Variants in FOXN3 observed in about 807,000 individuals in gnomAD.
FOXN3 encodes the protein forkhead box protein N3.
In FOXN3, 7 loss-of-function variants were observed where a neutral mutation model predicts 38.4. The observed-to-expected ratio is 0.18, with a 90% CI of 0.10 to 0.34. The LOEUF (loss-of-function observed/expected upper bound fraction) is 0.34. Among genes scored for constraint, FOXN3 ranks in the 10% least tolerant of loss-of-function variants. FOXN3 has a pLI of 1.00. For missense variants in FOXN3, 456 were observed against 613.4 expected, an observed-to-expected ratio of 0.74 and a Z score of 2.71; for synonymous variants, 230 against 242.2, an observed-to-expected ratio of 0.95 and a Z score of 0.47.
intron 4 of FOXN3, among the ~76,000 whole-genome samples, chr14:89,201,304 A>G (rs1202000610): frequency 6.6e-6 from 1 of 152,132 alleles, no homozygotes; most frequent in Non-Finnish European, 1.5e-5. Flanking sequence ...GTTGCCGTGG[A>G]AGAGATTCTG....
At chr14:89,454,656 C>A (rs1298045816) in intron 1 of FOXN3, among the ~76,000 whole-genome samples, 1 of 152,176 alleles carries the variant, frequency 6.6e-6, no homozygotes, top group Admixed American at 6.5e-5. Flanking sequence ...GGTCCATTCA[C>A]ATAATGGAAA....
intron 1 of FOXN3, among the ~76,000 whole-genome samples, chr14:89,499,424 A>AC (rs1302025275): frequency 6.7e-6 from 1 of 148,216 alleles, no homozygotes; most frequent in Non-Finnish European, 1.5e-5. Flanking sequence ...ATAATTTAAA[A>AC]CCTTTTTGGG....
At chr14:89,334,049 A>AC (rs1293147898) in intron 3 of FOXN3, among the ~76,000 whole-genome samples, 5 of 149,466 alleles carry the variant, frequency 3.3e-5, no homozygotes, top group Non-Finnish European at 3.0e-5. Flanking sequence ...ACACACACAC[A>AC]AAGGAATATT....
At chr14:89,239,387 G>A (rs571706377) in intron 4 of FOXN3, among the ~76,000 whole-genome samples, 6 of 152,240 alleles carry the variant, frequency 3.9e-5, no homozygotes, top group Non-Finnish European at 5.9e-5. Context: ...GGGGAGGAGC[G>A]GTTTTTACAT....
intron 3 of FOXN3, 24 bp from the exon 4 acceptor site, chr14:89,281,038 T>C: frequency 6.2e-7 from 1 of 1,606,906 alleles, no homozygotes; most frequent in Non-Finnish European, 8.5e-7. Context: ...GAAACTAGCA[T>C]AAGGCCAAGT....
rs1890559772 is a variant in FOXN3 at position 89,378,828 on chromosome 14, TC to T, written c.544-28021del. Among the ~76,000 whole-genome samples, 3 of 151,440 alleles carry T rather than the reference TC, an allele frequency of 2.0e-5. No homozygotes were observed. The Admixed American group carries it at 2.0e-4, about 10-fold the overall frequency. ...TTCAAGTGATTCTCCTGCCTTAGCC[TC>T]CCGAGTACCTGGGATTACAGGCACA... is the stretch of plus-strand genomic sequence containing the variant. On this transcript the variant is annotated intron_variant, in intron 2 of 5. Transcript: ENST00000557258.
At chr14:89,304,219 G>A (rs1408545895) in intron 3 of FOXN3, among the ~76,000 whole-genome samples, 3 of 152,188 alleles carry the variant, frequency 2.0e-5, no homozygotes, top group African/African-American at 2.4e-5. Context: ...AGTTCAGCTC[G>A]TAGTAAAAAT....
At chr14:89,552,874 G>A (rs1366146638) in intron 1 of FOXN3, among the ~76,000 whole-genome samples, 1 of 152,178 alleles carries the variant, frequency 6.6e-6, no homozygotes, top group East Asian at 1.9e-4. Context: ...CTGGGTAAAA[G>A]AGCGAGACTC....
At chr14:89,356,513 C>G (rs1889232930) in intron 2 of FOXN3, 1 of 152,156 alleles carries the variant, frequency 6.6e-6, no homozygotes, top group Non-Finnish European at 1.5e-5. Flanking sequence ...ATATTTAAGA[C>G]AATTGTAACC....
At chr14:89,194,634 A>G (rs1323467273) in intron 4 of FOXN3, among the ~76,000 whole-genome samples, 1 of 152,116 alleles carries the variant, frequency 6.6e-6, no homozygotes, top group Non-Finnish European at 1.5e-5. Flanking sequence ...AAGAGATACT[A>G]TAATGCTTGC....
chr14:89,258,204 GCCAA>G (rs1286660222), intron 4 of FOXN3, among the ~76,000 whole-genome samples: 2 of 152,106 alleles, frequency 1.3e-5, no homozygotes, highest in African/African-American at 4.8e-5. Flanking sequence ...AGGAGGCTGA[GCCAA>G]GTGACCCTCA....
chr14:89,319,015 A>G (rs1382512957), intron 3 of FOXN3, among the ~76,000 whole-genome samples: 2 of 152,252 alleles, frequency 1.3e-5, no homozygotes, highest in African/African-American at 2.4e-5. Context: ...AGGAAAGGCC[A>G]CCAGGGGCCT....
At chr14:89,346,034 AGAGT>A (rs1888750439) in intron 3 of FOXN3, among the ~76,000 whole-genome samples, 1 of 152,242 alleles carries the variant, frequency 6.6e-6, no homozygotes, top group Non-Finnish European at 1.5e-5. Flanking sequence ...GCCTGGCGAC[AGAGT>A]GAGACCCTGT....
chr14:89,179,426 G>A (rs1336372341), intron 5 of FOXN3, among the ~76,000 whole-genome samples: 1 of 152,144 alleles, frequency 6.6e-6, no homozygotes, highest in East Asian at 1.9e-4. Flanking sequence ...GTTTCCTTTT[G>A]GACATGAAAC....
chr14:89,366,373 T>C (rs1208368806), intron 2 of FOXN3, among the ~76,000 whole-genome samples: 4 of 152,236 alleles, frequency 2.6e-5, no homozygotes, highest in African/African-American at 9.6e-5. Flanking sequence ...AACGTGGGCA[T>C]GTTCCTCTTT....
chr14:89,398,708 G>A (rs1260670750), intron 2 of FOXN3, among the ~76,000 whole-genome samples: 2 of 152,202 alleles, frequency 1.3e-5, no homozygotes, highest in East Asian at 3.9e-4. Context: ...TACTGGGCTG[G>A]GCACGGTGGC....
Position 89,401,431 on chromosome 14 carries a change from GCAA to G in FOXN3, c.543+10500_543+10502del, listed in dbSNP as rs958361995. On this transcript the variant is annotated intron_variant, in intron 2 of 5. Coordinates refer to ENST00000557258, the MANE Select transcript of FOXN3 (RefSeq NM_005197.4). ...GCACTCCAGCCTGGGTGACTCAACA[GCAA>G]CAACAACAACAGTAGGTATTCTGCA... The G allele has an allele frequency of 9.5e-5, 34 of 359,734 alleles. 2 individuals are homozygous for G. The highest frequency in any genetic ancestry group is 1.5e-4 in the African/African-American group (7 of 46,762). The allele number at this position is 359,734 out of a possible 1,614,324, so 22.3% of individuals were successfully genotyped here. A position where few individuals can be genotyped will look rare whatever the true frequency, so the allele number is the denominator to read the frequency against.
chr14:89,215,147 A>T (rs1354153669), intron 4 of FOXN3, among the ~76,000 whole-genome samples: 1 of 152,030 alleles, frequency 6.6e-6, no homozygotes, highest in African/African-American at 2.4e-5. Context: ...CAAACTAGTT[A>T]TTCAAGTTTC....
chr14:89,239,375 G>A (rs900629270), intron 4 of FOXN3, among the ~76,000 whole-genome samples: 1 of 152,190 alleles, frequency 6.6e-6, no homozygotes, highest in African/African-American at 2.4e-5. Flanking sequence ...ATTTCTTGGA[G>A]GGGGGAGGAG....
Sources: allele counts gnomAD v4.1 joint callset (sites outside exome capture counted in the v4.1 genomes callset), GRCh38; gene constraint gnomAD v4.1.1; transcripts MANE v1.5; gene names NCBI Gene and HGNC (gene_info 2026-07-23, HGNC 2026-07-21).